SLC44A5: variants seen among roughly 807,000 people sequenced by gnomAD.
The protein encoded by SLC44A5 is choline transporter-like protein 5.
SLC44A5 carries 57 observed loss-of-function variants against 101.8 expected under a neutral mutation model. The ratio of observed to expected loss-of-function variants is 0.56; its 90% CI spans 0.45 to 0.70. SLC44A5 has a LOEUF of 0.70. Among genes scored for constraint, SLC44A5 ranks in the 30% least tolerant of loss-of-function variants. SLC44A5 has a pLI of 0.00. For missense variants in SLC44A5, 737 were observed against 853.1 expected (o/e 0.86, Z 1.70); for synonymous variants, 281 against 290.9 (o/e 0.97, Z 0.35).
chr1:75,264,944 T>C (rs1650866745), intron 6 of SLC44A5, among the ~76,000 whole-genome samples: 2 of 151,998 alleles, frequency 1.3e-5, no homozygotes, highest in African/African-American at 4.8e-5. Context: ...ACATTACAAC[T>C]GATACCACAG....
chr1:75,686,560 G>T, the SLC44A5 span, among the ~76,000 whole-genome samples: 2 of 152,182 alleles, frequency 1.3e-5, no homozygotes, highest in Non-Finnish European at 2.9e-5. Context: ...AGGTCAAAGA[G>T]GTAAGAAGGA....
intron 5 of SLC44A5, among the ~76,000 whole-genome samples, chr1:75,280,605 C>T (rs1250228165): frequency 2.0e-5 from 3 of 149,054 alleles, no homozygotes; most frequent in African/African-American, 7.4e-5. Flanking sequence ...AAAATCTCAT[C>T]TTGAATTGTT....
the SLC44A5 span, among the ~76,000 whole-genome samples, chr1:75,672,296 G>C: frequency 6.6e-6 from 1 of 152,090 alleles, no homozygotes; most frequent in Non-Finnish European, 1.5e-5. Flanking sequence ...CTTTGGGGAG[G>C]GAAAGCACAG....
intron 1 of SLC44A5, among the ~76,000 whole-genome samples, chr1:75,591,377 C>A (rs1355888813): frequency 6.6e-6 from 1 of 152,050 alleles, no homozygotes; most frequent in Non-Finnish European, 1.5e-5. Context: ...ACTAAACTCT[C>A]CAATCAAAAA....
At chr1:75,596,049 A>C (rs1304992277) in intron 1 of SLC44A5, among the ~76,000 whole-genome samples, 1 of 152,194 alleles carries the variant, frequency 6.6e-6, no homozygotes, top group African/African-American at 2.4e-5. Flanking sequence ...AGCTAATATC[A>C]AATCTTCTAA....
intron 1 of SLC44A5, among the ~76,000 whole-genome samples, chr1:75,552,626 GTT>G (rs10715457): frequency 9.1e-4 from 118 of 129,686 alleles, no homozygotes; most frequent in African/African-American, 1.7e-3. Flanking sequence ...TGTATGGCTG[GTT>G]TTTTTTTTTT....
chr1:75,370,878 G>C (rs1435889045), intron 3 of SLC44A5, among the ~76,000 whole-genome samples: 1 of 152,202 alleles, frequency 6.6e-6, no homozygotes, highest in African/African-American at 2.4e-5. Context: ...ACTTATTGCA[G>C]TTTGTCCCTA....
intron 2 of SLC44A5, among the ~76,000 whole-genome samples, chr1:75,447,074 C>A (rs185415087): frequency 6.6e-6 from 1 of 152,140 alleles, no homozygotes; most frequent in Non-Finnish European, 1.5e-5. Flanking sequence ...AGAGTGGATG[C>A]CTTACTTAGT....
chr1:75,696,591 C>T, the SLC44A5 span, among the ~76,000 whole-genome samples: 1 of 152,276 alleles, frequency 6.6e-6, no homozygotes, highest in South Asian at 2.1e-4. Flanking sequence ...TGTCGACTCT[C>T]TTAGACTCAG....
chr1:75,386,757 T>A (rs1007251452), intron 3 of SLC44A5, among the ~76,000 whole-genome samples: 2 of 151,332 alleles, frequency 1.3e-5, no homozygotes, highest in Admixed American at 1.3e-4. Flanking sequence ...GCCAAGGCAA[T>A]CCTAAGCCAA....
the SLC44A5 span, among the ~76,000 whole-genome samples, chr1:75,701,789 A>G: frequency 1.6e-3 from 251 of 152,270 alleles, 1 homozygote; most frequent in African/African-American, 5.6e-3. Flanking sequence ...TCCTTAAGCT[A>G]ATAAGCAACT....
At chr1:75,306,591 A>C (rs1420661102) in intron 4 of SLC44A5, among the ~76,000 whole-genome samples, 1 of 152,056 alleles carries the variant, frequency 6.6e-6, no homozygotes, top group African/African-American at 2.4e-5. Context: ...TTTAATTTAG[A>C]GGTAATAAGA....
At chr1:75,278,403 G>A (rs1652108900) in intron 5 of SLC44A5, among the ~76,000 whole-genome samples, 1 of 152,006 alleles carries the variant, frequency 6.6e-6, no homozygotes, top group Admixed American at 6.6e-5. Context: ...GTGATTATGA[G>A]TGCCATAACA....
chr1:75,241,895 G>A (rs573417248), intron 9 of SLC44A5, 106 bp downstream of exon 9: 2 of 935,832 alleles, frequency 2.1e-6, no homozygotes, highest in South Asian at 3.1e-5. Context: ...TAGGCAGTCA[G>A]AGGACCATTC....
At chr1:75,506,137 T>C (rs7514336) in intron 2 of SLC44A5, among the ~76,000 whole-genome samples, 56,442 of 151,980 alleles carry the variant, frequency 0.37, 11,310 homozygotes, top group African/African-American at 0.52. Context: ...TTTTTGTTGA[T>C]TTTGTTGAAG....
At chr1:75,458,015 A>G (rs1557804991) in intron 2 of SLC44A5, among the ~76,000 whole-genome samples, 1 of 152,198 alleles carries the variant, frequency 6.6e-6, no homozygotes, top group Non-Finnish European at 1.5e-5. Context: ...TAAGTTTACA[A>G]TCTTGTAAAT....
intron 2 of SLC44A5, among the ~76,000 whole-genome samples, chr1:75,461,965 A>T (rs933364372): frequency 2.6e-5 from 4 of 152,154 alleles, no homozygotes; most frequent in Admixed American, 6.5e-5. Flanking sequence ...GAAAATCACA[A>T]TCCTGCAGGG....
intron 2 of SLC44A5, among the ~76,000 whole-genome samples, chr1:75,538,868 C>T (rs1671197024): frequency 6.6e-6 from 1 of 152,288 alleles, no homozygotes; most frequent in Admixed American, 6.5e-5. Flanking sequence ...CATACATTGG[C>T]CTGGAGCTAT....
chr1:75,215,535 T>C (rs1646943483), intron 19 of SLC44A5, among the ~76,000 whole-genome samples: 1 of 152,046 alleles, frequency 6.6e-6, no homozygotes, highest in African/African-American at 2.4e-5. Flanking sequence ...TATTTTTTTC[T>C]CTCAAAAAAG....
Sources: gnomAD v4.1 joint callset for allele counts (sites outside exome capture counted in the v4.1 genomes callset) on GRCh38, gnomAD v4.1.1 for gene constraint, MANE v1.5 for transcripts, NCBI Gene and HGNC (gene_info 2026-07-23, HGNC 2026-07-21) for gene names.